Variants in NKX2-6 observed in about 807,000 individuals in gnomAD.
NKX2-6 encodes homeobox protein Nkx-2.6.
NKX2-6 carries 8 observed loss-of-function variants against 8.6 expected under a neutral mutation model. That is an observed-to-expected ratio of 0.93 (90% CI 0.54 to 1.67). The LOEUF is 1.67. Ranked by LOEUF, NKX2-6 falls within the 40% of genes most tolerant of loss-of-function variation. The pLI, the probability that NKX2-6 is intolerant of heterozygous loss-of-function variation, is 0.00. For synonymous variants in NKX2-6, 210 were observed against 199.3 expected, an observed-to-expected ratio of 1.05 and a Z score of -0.45; for missense variants, 475 against 423.1, an observed-to-expected ratio of 1.12 and a Z score of -1.08.
chr8:23,702,358 T>G lies in NKX2-6; in HGVS notation c.*93A>C. 7.5e-7 allele frequency: 1 copy of G among 1,337,112 alleles called. No individual in the cohort carries two copies. Among genetic ancestry groups the G allele is most frequent in the South Asian group, 1.6e-5 (1 of 61,904 alleles). The allele number at this position is 1,337,112 out of a possible 1,614,324, so 82.8% of individuals were successfully genotyped here. ...AAGCGCCGTTGGGTAGCAGCTTCCT[T>G]CCAGCGCCGCGTCCCCTCCTTGTCA... On this transcript the variant is annotated 3_prime_UTR_variant, in exon 2 of 2. Coordinates refer to ENST00000325017, the MANE Select transcript of NKX2-6 (RefSeq NM_001136271.3).
intron 1 of NKX2-6, among the ~76,000 whole-genome samples, chr8:23,703,386 C>A (rs1801040637): frequency 6.6e-6 from 1 of 152,192 alleles, no homozygotes. Context: ...TAAGGCAGCT[C>A]CATTTGCTTC....
intron 1 of NKX2-6, among the ~76,000 whole-genome samples, chr8:23,705,529 C>T (rs1373478835): frequency 6.6e-6 from 1 of 152,208 alleles, no homozygotes; most frequent in Non-Finnish European, 1.5e-5. Context: ...CGGATCGACA[C>T]AACACAACTC....
rs1801027008 is a variant in NKX2-6 at position 23,702,806 on chromosome 8, C to T, written c.551G>A (p.Arg184His). ...CTGGCGCTGTCTCTTGCATTTGTAGCGTCGGTTCTGGAACCAGATCTTGAC... is the reference window on the plus strand; with the variant it reads ...CTGGCGCTGTCTCTTGCATTTGTAGTGTCGGTTCTGGAACCAGATCTTGAC... ...TQVKIWFQNR[R>H]YKCKRQRQDK... The change falls in exon 2 of 2, where the codon CGC becomes CAC. Residue 184 changes from arginine to histidine, a missense_variant. Arg to His is a conservative substitution (Grantham distance 29, BLOSUM62 0). Transcript: ENST00000325017. 6.4e-7 allele frequency: 1 copy of T among 1,570,874 alleles called. No homozygotes were observed. Among genetic ancestry groups the T allele is most frequent in the East Asian group, 2.3e-5 (1 of 42,810 alleles).
chr8:23,702,274 G>T lies in NKX2-6; in HGVS notation c.*177C>A, dbSNP rs1196778646. Among the ~76,000 whole-genome samples the T allele has an allele frequency of 6.6e-6, 1 of 152,146 alleles. No individual in the cohort carries two copies. The highest frequency in any genetic ancestry group is 1.5e-5 in the Non-Finnish European group (1 of 68,024). ...CTTTTGGGGGAAGAACGTCCCAGGC[G>T]GGGCCTTTAACTGGGTGACTGTGGT... On this transcript the variant is annotated 3_prime_UTR_variant, in exon 2 of 2. Coordinates refer to ENST00000325017, the MANE Select transcript of NKX2-6 (RefSeq NM_001136271.3).
In NKX2-6 at chr8:23,706,756, C is replaced by T. The variant is rs1271998386; in HGVS notation, c.-158G>A. ...TTCCTCTGGGCCATGCTGGTAGGCC[C>T]GGGTCCAGGGCCGGGTGACGAGACC... On this transcript the variant is annotated 5_prime_UTR_variant, in exon 1 of 2. Coordinates refer to ENST00000325017, the MANE Select transcript of NKX2-6 (RefSeq NM_001136271.3). Among the ~76,000 whole-genome samples, 1 of 152,232 alleles carries T rather than the reference C, an allele frequency of 6.6e-6. No homozygotes were observed. The highest frequency in any genetic ancestry group is 1.5e-5 in the Non-Finnish European group (1 of 68,032).
intron 1 of NKX2-6, among the ~76,000 whole-genome samples, chr8:23,703,481 G>A (rs1285996603): frequency 1.3e-5 from 2 of 152,114 alleles, no homozygotes; most frequent in Non-Finnish European, 2.9e-5. Context: ...CGGATCACGA[G>A]GTCAGGAGAT....
In NKX2-6 at chr8:23,706,702, G is replaced by T; in HGVS notation, c.-104C>A. The T allele has an allele frequency of 7.8e-7, 1 of 1,281,152 alleles. No homozygotes were observed. Among genetic ancestry groups the T allele is most frequent in the Non-Finnish European group, 1.1e-6 (1 of 951,764 alleles). 79.4% of individuals were successfully genotyped at this position (1,281,152 alleles called of 1,614,324 possible). ...CCCCGCAGACAGACCCAAGCTCTGG[G>T]ACAGACGCCCAGCGTCCCAGACAGC... On this transcript the variant is annotated 5_prime_UTR_variant, in exon 1 of 2. Transcript: ENST00000325017.
In NKX2-6 at chr8:23,702,057, C is replaced by A. The variant is rs1237832293; in HGVS notation, c.*394G>T. ...CATTAATTGGAGGATGGTAGGCCCG[C>A]TAGATCACCATCTCCATTCACCGCC... is the stretch of plus-strand genomic sequence containing the variant. On this transcript the variant is annotated 3_prime_UTR_variant, in exon 2 of 2. Coordinates refer to ENST00000325017, the MANE Select transcript of NKX2-6 (RefSeq NM_001136271.3). Among the ~76,000 whole-genome samples the A allele has an allele frequency of 1.3e-5, 2 of 152,186 alleles. No individual in the cohort carries two copies. Among genetic ancestry groups the A allele is most frequent in the African/African-American group, 4.8e-5 (2 of 41,442 alleles).
intron 1 of NKX2-6, among the ~76,000 whole-genome samples, chr8:23,705,442 G>A (rs1332602883): frequency 1.3e-5 from 2 of 152,368 alleles, no homozygotes; most frequent in Non-Finnish European, 2.9e-5. Context: ...AGAATGCCGA[G>A]TGAGGTGCTG....
intron 1 of NKX2-6, among the ~76,000 whole-genome samples, chr8:23,704,535 A>C (rs1393068605): frequency 2.0e-5 from 3 of 152,230 alleles, no homozygotes; most frequent in Admixed American, 6.5e-5. Flanking sequence ...AGTTCATGGC[A>C]AGACGGGACA....
chr8:23,702,720 G>A lies in NKX2-6; in HGVS notation c.637C>T (p.Leu213=), dbSNP rs1041889681. The change falls in exon 2 of 2, where the codon CTG becomes TTG. Residue 213 remains leucine, a synonymous_variant. Transcript: ENST00000325017. ...LTPRRVAVPV[L]VRDGKPCLGP... ...AGGCAGGGCTTGCCATCGCGCACCA[G>A]GACGGGCACAGCTACTCGGCGCGGC... 5.2e-6 allele frequency: 8 copies of A among 1,551,610 alleles called. No homozygotes were observed. Among genetic ancestry groups the A allele is most frequent in the Non-Finnish European group, 7.0e-6 (8 of 1,146,932 alleles).
At chr8:23,705,526 A>T (rs1013800847) in intron 1 of NKX2-6, among the ~76,000 whole-genome samples, 6 of 152,138 alleles carry the variant, frequency 3.9e-5, no homozygotes, top group African/African-American at 1.4e-4. Flanking sequence ...CTCCGGATCG[A>T]CACAACACAA....
Position 23,706,537 on chromosome 8 carries a change from C to T in NKX2-6, c.62G>A (p.Arg21His). The change falls in exon 1 of 2, where the codon CGC becomes CAC. Residue 21 changes from arginine (R) to histidine (H), a missense_variant. Transcript: ENST00000325017. ...FSVKDILRLE[R>H]ERSCPAASPH... is the part of the protein sequence containing the mutation. ...CGAAGCCGCGGGGCAGCTCCGCTCG[C>T]GCTCCAGTCGCAGGATGTCCTTGAC... 1 of 1,536,882 alleles carries T rather than the reference C, an allele frequency of 6.5e-7. No homozygotes were observed. The highest frequency in any genetic ancestry group is 8.7e-7 in the Non-Finnish European group (1 of 1,146,916).
chr8:23,702,708 C>A lies in NKX2-6; in HGVS notation c.649G>T (p.Gly217Cys), dbSNP rs946224551. Residue 217 changes from glycine to cysteine, a missense_variant, in exon 2 of 2, where the codon GGC (glycine) becomes TGC (cysteine). Transcript: ENST00000325017. ...RVAVPVLVRD[G>C]KPCLGPGPGA... ...GGCCCGGGGCCCAGGCAGGGCTTGC[C>A]ATCGCGCACCAGGACGGGCACAGCT... 4.5e-5 allele frequency: 70 copies of A among 1,551,332 alleles called. No individual in the cohort carries two copies. The highest frequency in any genetic ancestry group is 5.9e-5 in the Non-Finnish European group (68 of 1,146,882).
chr8:23,702,532 GC>G lies in NKX2-6; in HGVS notation c.824del (p.Ser275ThrfsTer51). ...SGPAPHTPLA[S>X]AGFGHGGQNA... ...TCTGGCCACCGTGTCCGAAGCCCGCGCTGGCCAGTGGTGTGTGTGGCGCAGG... is the reference window on the plus strand; with the variant it reads ...TCTGGCCACCGTGTCCGAAGCCCGCGTGGCCAGTGGTGTGTGTGGCGCAGG... On this transcript the variant is annotated frameshift_variant, in exon 2 of 2. Transcript: ENST00000325017. LOFTEE classifies it low-confidence loss of function (END_TRUNC). 1 of 1,539,388 alleles carries G rather than the reference GC, an allele frequency of 6.5e-7. No individual in the cohort carries two copies. Among genetic ancestry groups the G allele is most frequent in the Non-Finnish European group, 8.7e-7 (1 of 1,143,488 alleles).
In NKX2-6 at chr8:23,702,634, G is replaced by A. The variant is rs1264535409; in HGVS notation, c.723C>T (p.Tyr241=). Residue 241 remains tyrosine, a synonymous_variant, in exon 2 of 2, where the codon TAC becomes TAT. Coordinates refer to ENST00000325017, the MANE Select transcript of NKX2-6 (RefSeq NM_001136271.3). The part of the protein sequence containing the change: ...PSPYSAAVSP[Y]SCYGGYSGAP... ...CTCCGCTGTAGCCTCCGTAGCAAGA[G>A]TAGGGCGACACTGCTGCACTGTAGG... 6.5e-7 allele frequency: 1 copy of A among 1,549,540 alleles called. No individual in the cohort carries two copies. Among genetic ancestry groups the A allele is most frequent in the South Asian group, 1.2e-5 (1 of 83,980 alleles).
Position 23,701,851 on chromosome 8 carries a change from A to T in NKX2-6, c.*600T>A, listed in dbSNP as rs1306834728. 6.6e-6 allele frequency among the ~76,000 whole-genome samples: 1 copy of T among 152,168 alleles called. No individual in the cohort carries two copies. The highest frequency in any genetic ancestry group is 1.5e-5 in the Non-Finnish European group (1 of 68,028). On this transcript the variant is annotated 3_prime_UTR_variant, in exon 2 of 2. Coordinates refer to ENST00000325017, the MANE Select transcript of NKX2-6 (RefSeq NM_001136271.3). The stretch of plus-strand genomic sequence containing the variant: ...TTCCAGGAGAGCAGTCGTGGCCAGA[A>T]AAGAGTGCTCCTCTGGATTAACGGA...
intron 1 of NKX2-6, 61 bp from the exon 2 acceptor site, chr8:23,703,143 C>T: frequency 2.0e-6 from 3 of 1,489,710 alleles, no homozygotes; most frequent in Non-Finnish European, 2.7e-6. Flanking sequence ...GCGGTTCCTA[C>T]TTAGTTTTCA....
In NKX2-6 at chr8:23,706,634, G is replaced by A. The variant is rs534978837; in HGVS notation, c.-36C>T. 2.4e-4 allele frequency: 370 copies of A among 1,512,870 alleles called. 1 individual carries two copies. The East Asian group carries it at 9.0e-3, about 37-fold the overall frequency. The allele number at this position is 1,512,870 out of a possible 1,614,324, so 93.7% of individuals were successfully genotyped here. ...GATGGGGCGGGGCCGAGGAGGTCCG[G>A]GTGAGGAGCGGCACCCTGAACTTCC... On this transcript the variant is annotated 5_prime_UTR_variant, in exon 1 of 2. Coordinates refer to ENST00000325017, the MANE Select transcript of NKX2-6 (RefSeq NM_001136271.3).
Sources: allele counts gnomAD v4.1 joint callset (sites outside exome capture counted in the v4.1 genomes callset), GRCh38; gene constraint gnomAD v4.1.1; transcripts MANE v1.5; gene names NCBI Gene and HGNC (gene_info 2026-07-23, HGNC 2026-07-21).